The following PAIP1 variants were observed in gnomAD, a reference collection of about 807,000 sequenced individuals.
PAIP1 encodes poly(A) binding protein interacting protein 1.
PAIP1 carries 16 observed loss-of-function variants against 61.3 expected under a neutral mutation model. The ratio of observed to expected loss-of-function variants is 0.26; its 90% CI spans 0.18 to 0.40. PAIP1 has a LOEUF of 0.40. PAIP1 is among the 10% of genes least tolerant of loss of function. The probability of loss-of-function intolerance (pLI) is 1.00; values close to 1 mark genes in which losing one functional copy is unlikely to be tolerated. For synonymous variants in PAIP1, 187 were observed against 226.2 expected (o/e 0.83, Z 1.56); for missense variants, 416 against 600.9 (o/e 0.69, Z 3.22).
In PAIP1 at chr5:43,526,707, T is replaced by C. The variant is rs1408383325; in HGVS notation, c.*669A>G. ...GTTCTAGCCTTTAAGGTAATGAAGT[T>C]AGTCAGTTGAAAAAATAAAAATAAA... On this transcript the variant is annotated 3_prime_UTR_variant, in exon 11 of 11. Transcript: ENST00000306846. The C allele has an allele frequency of 2.1e-5, 3 of 146,164 alleles. No homozygotes were observed. Among genetic ancestry groups the C allele is most frequent in the Non-Finnish European group, 4.5e-5 (3 of 66,380 alleles). 9.1% of individuals were successfully genotyped at this position (146,164 alleles called of 1,614,324 possible).
At chr5:43,548,814 A>AAAAGTTAT (rs1747743456) in intron 2 of PAIP1, among the ~76,000 whole-genome samples, 1 of 152,232 alleles carries the variant, frequency 6.6e-6, no homozygotes, top group African/African-American at 2.4e-5. Flanking sequence ...AGCCACATAA[A>AAAAGTTAT]AAAGTTATGA....
rs1283585264 is a variant in PAIP1, at chr5:43,556,857, C to T, written c.-11G>A. The T allele has an allele frequency of 2.1e-6, 3 of 1,409,026 alleles. No homozygotes were observed. The highest frequency in any genetic ancestry group is 1.5e-5 in the South Asian group (1 of 65,376). The allele number at this position is 1,409,026 out of a possible 1,614,324, so 87.3% of individuals were successfully genotyped here. ...GAAACCGTCCGACATGCTCCTCCTC[C>T]TCCGCCTCCTCCTCCAGGGGCCGCT... On this transcript the variant is annotated 5_prime_UTR_variant, in exon 1 of 11. Coordinates refer to ENST00000306846, the MANE Select transcript of PAIP1 (RefSeq NM_006451.5).
chr5:43,526,582 T>C lies in PAIP1; in HGVS notation c.*794A>G, dbSNP rs1235706772. ...TATCAATTATAAAGCAGATGAAAAC[T>C]TGAATGACAAATATCTAGTAAAATT... On this transcript the variant is annotated 3_prime_UTR_variant, in exon 11 of 11. Transcript: ENST00000306846. The C allele has an allele frequency of 2.7e-5, 4 of 148,576 alleles. No homozygotes were observed. The highest frequency in any genetic ancestry group is 7.5e-5 in the African/African-American group (3 of 40,136). The allele number at this position is 148,576 out of a possible 1,614,324, so 9.2% of individuals were successfully genotyped here.
chr5:43,540,574 C>G (rs559664126), intron 4 of PAIP1, among the ~76,000 whole-genome samples: 3 of 152,290 alleles, frequency 2.0e-5, no homozygotes, highest in Admixed American at 2.0e-4. Flanking sequence ...AACAAAGTCA[C>G]CTGCACTACT....
rs1413302212 is a variant in PAIP1 at position 43,535,638 on chromosome 5, CA to C, written c.974del (p.Leu325Ter). 6.4e-7 allele frequency: 1 copy of C among 1,558,996 alleles called. No individual in the cohort carries two copies. Among genetic ancestry groups the C allele is most frequent in the Non-Finnish European group, 8.8e-7 (1 of 1,131,948 alleles). On this transcript the variant is annotated frameshift_variant and splice_region_variant, in exon 7 of 11. Transcript: ENST00000306846. LOFTEE classifies it high-confidence loss of function. ...AAGCATCTTCCAAAACTGATCCTGT[CA>C]ACTAAAAAAGCAGGTGTCAGTAAAA... ...NLICAVKLLKLTGSVLEDAWK... is the reference protein window; with the variant it reads ...NLICAVKLLKXTGSVLEDAWK...
Position 43,557,023 on chromosome 5 carries a change from C to A in PAIP1, c.-177G>T. ...GTGCTTCTGGCGGAGCGGACGGCAG[C>A]CCGAGCACCCGCCGCTCCAGAGCGC... is the stretch of plus-strand genomic sequence containing the variant. On this transcript the variant is annotated 5_prime_UTR_variant, in exon 1 of 11. Transcript: ENST00000306846. 8.9e-7 allele frequency: 1 copy of A among 1,118,918 alleles called. No homozygotes were observed. The highest frequency in any genetic ancestry group is 1.1e-6 in the Non-Finnish European group (1 of 881,304). 69.3% of individuals were successfully genotyped at this position (1,118,918 alleles called of 1,614,324 possible). A position where few individuals can be genotyped will look rare whatever the true frequency, so the allele number is the denominator to read the frequency against.
chr5:43,554,225 G>A (rs1357007432), intron 2 of PAIP1, among the ~76,000 whole-genome samples: 1 of 152,140 alleles, frequency 6.6e-6, no homozygotes, highest in Non-Finnish European at 1.5e-5. Flanking sequence ...ACACACCCCT[G>A]TATCCCTCCA....
At chr5:43,534,501 C>T (rs1420750447) in intron 8 of PAIP1, among the ~76,000 whole-genome samples, 2 of 152,144 alleles carry the variant, frequency 1.3e-5, no homozygotes, top group Non-Finnish European at 2.9e-5. Flanking sequence ...GCCCAGCCAA[C>T]CAATTTTATT....
chr5:43,538,599 T>C (rs76539693), intron 5 of PAIP1, among the ~76,000 whole-genome samples: 4,109 of 152,296 alleles, frequency 0.027, 71 homozygotes, highest in Middle Eastern at 0.058. Context: ...ATACTAAATG[T>C]ATTAATATAT....
chr5:43,532,580 A>G lies in PAIP1; in HGVS notation c.1252+1158T>C, dbSNP rs146762115. ...AGAAGAAAACAGAAATGGTAAGGAA[A>G]CTTTCTTAAACCACAGAAATTACAA... On this transcript the variant is annotated intron_variant, in intron 9 of 10. Transcript: ENST00000306846. Among the ~76,000 whole-genome samples, 714 of 152,302 alleles carry G rather than the reference A, an allele frequency of 4.7e-3. 5 individuals carry two copies. The highest frequency in any genetic ancestry group is 0.015 in the African/African-American group (642 of 41,584).
chr5:43,538,978 T>C lies in PAIP1; in HGVS notation c.792A>G (p.Arg264=). The stretch of plus-strand genomic sequence containing the variant: ...AGAGTACAAATGCATGAAATCGTTT[T>C]CGAGTAACTTCATCCCCTTTTGCAG... ...DQAAKGDEVT[R]KRFHAFVLFL... Residue 264 remains arginine, a synonymous_variant, in exon 5 of 11, where the codon CGA becomes CGG. Transcript: ENST00000306846. 1 of 1,611,966 alleles carries C rather than the reference T, an allele frequency of 6.2e-7. No homozygotes were observed. The highest frequency in any genetic ancestry group is 1.1e-5 in the South Asian group (1 of 91,002).
chr5:43,546,454 A>G (rs1747638088), intron 3 of PAIP1, among the ~76,000 whole-genome samples: 1 of 152,258 alleles, frequency 6.6e-6, no homozygotes, highest in Non-Finnish European at 1.5e-5. Context: ...TCTTCCTAAC[A>G]TCTCAGGTAC....
At chr5:43,553,022 G>A (rs1238566741) in intron 2 of PAIP1, among the ~76,000 whole-genome samples, 1 of 151,704 alleles carries the variant, frequency 6.6e-6, no homozygotes, top group South Asian at 2.1e-4. Context: ...AACAAAAACT[G>A]GGAAGTAACT....
intron 2 of PAIP1, among the ~76,000 whole-genome samples, chr5:43,553,498 G>T (rs1235257711): frequency 3.3e-5 from 5 of 152,122 alleles, no homozygotes; most frequent in African/African-American, 7.2e-5. Context: ...TGTATCACCG[G>T]TGCTTGACTC....
At position 43,556,611 on chromosome 5, in the gene PAIP1, T is replaced by C; in HGVS notation, c.236A>G (p.Gln79Arg). ...GAGCGCCCCGGGCCGGGAAGGCCGC[T>C]GGGGGCTGGCGGGGACCTCGCACTG... ...GAQCEVPASPQRPSRPGALPE... is the reference protein window; with the variant it reads ...GAQCEVPASPRRPSRPGALPE... Residue 79 changes from glutamine to arginine, a missense_variant, in exon 1 of 11, where the codon CAG becomes CGG. Transcript: ENST00000306846. 1.6e-6 allele frequency: 2 copies of C among 1,255,582 alleles called. No individual in the cohort carries two copies. Among genetic ancestry groups the C allele is most frequent in the Non-Finnish European group, 2.0e-6 (2 of 996,966 alleles). The allele number at this position is 1,255,582 out of a possible 1,614,324, so 77.8% of individuals were successfully genotyped here.
intron 4 of PAIP1, 106 bp from the exon 5 acceptor site, chr5:43,539,141 A>G (rs1024777000): frequency 2.8e-6 from 2 of 704,350 alleles, no homozygotes; most frequent in African/African-American, 3.5e-5. Context: ...AGGCAAGGAC[A>G]ATGTCCCAAT....
intron 2 of PAIP1, 116 bp downstream of exon 2, chr5:43,555,714 T>C: frequency 1.4e-6 from 1 of 738,458 alleles, no homozygotes; most frequent in Non-Finnish European, 2.2e-6. Flanking sequence ...ACATTCACAA[T>C]AAAAAAATTT....
rs988037600 is a variant in PAIP1 at position 43,542,989 on chromosome 5, C to T, written c.734+15G>A. The T allele has an allele frequency of 4.5e-6, 6 of 1,325,052 alleles. No individual in the cohort carries two copies. The highest frequency in any genetic ancestry group is 4.3e-6 in the Non-Finnish European group (4 of 920,542). 82.1% of individuals were successfully genotyped at this position (1,325,052 alleles called of 1,614,324 possible). The stretch of plus-strand genomic sequence containing the variant: ...TTTAGAAGTAGTTTTCCTTTAATTT[C>T]ACATTTACACTGACCTTTGAAGTAG... On this transcript the variant is annotated intron_variant, in intron 4 of 10. Transcript: ENST00000306846.
intron 3 of PAIP1, among the ~76,000 whole-genome samples, chr5:43,547,323 C>A (rs964902722): frequency 1.3e-5 from 2 of 151,956 alleles, no homozygotes; most frequent in Admixed American, 1.3e-4. Flanking sequence ...CTATTCAATT[C>A]AACACATAGG....
Sources: allele counts gnomAD v4.1 joint callset (sites outside exome capture counted in the v4.1 genomes callset), GRCh38; gene constraint gnomAD v4.1.1; transcripts MANE v1.5; gene names NCBI Gene and HGNC (gene_info 2026-07-23, HGNC 2026-07-21).